The following AK7 variants were observed in gnomAD, a reference collection of about 807,000 sequenced individuals.
AK7 encodes adenylate kinase 7.
In AK7, 78 loss-of-function variants were observed where a neutral mutation model predicts 96.6. The observed-to-expected ratio is 0.81, with a 90% CI of 0.67 to 0.97. AK7 has a LOEUF of 0.97. Among genes scored for constraint, AK7 ranks in the 50% least tolerant of loss-of-function variants. The pLI, the probability that AK7 is intolerant of heterozygous loss-of-function variation, is 0.00. For synonymous variants in AK7, 302 were observed against 317.2 expected, an observed-to-expected ratio of 0.95 and a Z score of 0.51; for missense variants, 855 against 887.9, an observed-to-expected ratio of 0.96 and a Z score of 0.47.
intron 15 of AK7, among the ~76,000 whole-genome samples, chr14:96,480,637 A>G (rs1273548127): frequency 2.6e-5 from 4 of 152,154 alleles, no homozygotes; most frequent in African/African-American, 9.7e-5. Context: ...TGGAGAATAC[A>G]TTTCAGAAAA....
chr14:96,455,964 C>T (rs1332742953), intron 10 of AK7, among the ~76,000 whole-genome samples: 2 of 151,944 alleles, frequency 1.3e-5, no homozygotes. Context: ...CCCAGCCAGA[C>T]GTGGTGGCTC....
chr14:96,404,897 A>G, intron 3 of AK7, 32 bp downstream of exon 3: 1 of 1,513,828 alleles, frequency 6.6e-7, no homozygotes, highest in Non-Finnish European at 9.1e-7. Context: ...ATCTCCAGGG[A>G]TGCTATTGTA....
In AK7 at chr14:96,446,589, C is replaced by A. The variant is rs1893246063; in HGVS notation, c.852C>A (p.Thr284=). ...TTGCTGTGGATGAGTCTGTTCATAC[C>A]CTGGAAGACATAGTCAAGGTACAGT... ...YLVAVDESVH[T]LEDIVKCISK... is the part of the protein sequence containing the mutation. Residue 284 remains threonine, a synonymous_variant, in exon 8 of 18, where the codon ACC becomes ACA. Transcript: ENST00000267584. 6.2e-7 allele frequency: 1 copy of A among 1,613,918 alleles called. No individual in the cohort carries two copies. The highest frequency in any genetic ancestry group is 8.5e-7 in the Non-Finnish European group (1 of 1,179,874).
At chr14:96,444,405 A>G (rs1893119513) in intron 7 of AK7, among the ~76,000 whole-genome samples, 2 of 152,200 alleles carry the variant, frequency 1.3e-5, no homozygotes, top group South Asian at 4.1e-4. Flanking sequence ...GATTGCCATT[A>G]CAGAAGGACT....
chr14:96,446,752 C>A, intron 8 of AK7, 145 bp downstream of exon 8: 1 of 610,208 alleles, frequency 1.6e-6, no homozygotes, highest in Non-Finnish European at 2.9e-6. Flanking sequence ...ACCAGCCTGA[C>A]CAACATGATG....
At chr14:96,467,037 A>G (rs1385481960) in intron 12 of AK7, among the ~76,000 whole-genome samples, 17 of 124,030 alleles carry the variant, frequency 1.4e-4, no homozygotes, top group Admixed American at 4.6e-4. Context: ...GTAAGTGTAG[A>G]CGAATATGTA....
chr14:96,466,764 C>A (rs1238567999), intron 12 of AK7, among the ~76,000 whole-genome samples: 2 of 152,098 alleles, frequency 1.3e-5, no homozygotes, highest in Non-Finnish European at 2.9e-5. Context: ...GAGAGAGTTG[C>A]CCATTTTCCT....
chr14:96,467,087 CTT>C (rs953153866), intron 12 of AK7, among the ~76,000 whole-genome samples: 1 of 144,954 alleles, frequency 6.9e-6, no homozygotes, highest in Non-Finnish European at 1.5e-5. Context: ...TAAACACAAA[CTT>C]TGACCAGTTA....
chr14:96,444,102 T>G (rs923413817), intron 7 of AK7, among the ~76,000 whole-genome samples: 2 of 152,026 alleles, frequency 1.3e-5, no homozygotes, highest in Non-Finnish European at 1.5e-5. Flanking sequence ...TTAAGAAAGT[T>G]TACAAAGTGT....
chr14:96,409,063 A>G (rs1223261438), intron 4 of AK7, 122 bp downstream of exon 4: 1 of 921,420 alleles, frequency 1.1e-6, no homozygotes, highest in African/African-American at 1.7e-5. Context: ...CTATCCCATA[A>G]TAAGCACCCA....
chr14:96,453,860 G>T (rs948216154), intron 10 of AK7, among the ~76,000 whole-genome samples: 3 of 152,148 alleles, frequency 2.0e-5, no homozygotes, highest in African/African-American at 7.2e-5. Context: ...ACCTGAACTT[G>T]CTCAGTTGAC....
rs151051077 is a variant in AK7 at position 96,405,504 on chromosome 14, T to C, written c.403+639T>C. Among the ~76,000 whole-genome samples, 1,288 of 152,252 alleles carry C rather than the reference T, an allele frequency of 8.5e-3. 8 individuals are homozygous for C. Among genetic ancestry groups the C allele is most frequent in the South Asian group, 0.015 (72 of 4,820 alleles). ...TTACCAAAACATTTAACTTTTAAAA[T>C]GCAACCTGACTCATTCCATAGGCGC... On this transcript the variant is annotated intron_variant, in intron 3 of 17. Coordinates refer to ENST00000267584, the MANE Select transcript of AK7 (RefSeq NM_152327.5).
intron 4 of AK7, among the ~76,000 whole-genome samples, chr14:96,409,307 T>A (rs748405493): frequency 6.6e-6 from 1 of 152,248 alleles, no homozygotes; most frequent in African/African-American, 2.4e-5. Context: ...GTGCGATGGC[T>A]CATGCCTGTA....
At chr14:96,423,448 C>T (rs953382522) in intron 5 of AK7, among the ~76,000 whole-genome samples, 9 of 152,038 alleles carry the variant, frequency 5.9e-5, no homozygotes, top group Non-Finnish European at 8.8e-5. Context: ...AATTTGATGA[C>T]CCCATCACAA....
intron 5 of AK7, among the ~76,000 whole-genome samples, chr14:96,431,503 T>C (rs1482389464): frequency 1.3e-5 from 2 of 152,232 alleles, no homozygotes; most frequent in Non-Finnish European, 2.9e-5. Context: ...ATTTATGCCT[T>C]CGTTTCGTTA....
chr14:96,438,515 G>A (rs1892776438), intron 6 of AK7, among the ~76,000 whole-genome samples: 1 of 152,208 alleles, frequency 6.6e-6, no homozygotes, highest in South Asian at 2.1e-4. Flanking sequence ...AATTGTTACT[G>A]CAAAGAAGTG....
At chr14:96,478,746 G>A (rs111884219) in intron 15 of AK7, 84 bp downstream of exon 15, 3 of 1,354,988 alleles carry the variant, frequency 2.2e-6, no homozygotes, top group South Asian at 2.6e-5. Flanking sequence ...TGTGGGGCTG[G>A]GGGGAGGGTG....
At chr14:96,406,339 TC>T (rs947441031) in intron 3 of AK7, among the ~76,000 whole-genome samples, 11 of 152,276 alleles carry the variant, frequency 7.2e-5, no homozygotes, top group South Asian at 4.1e-4. Context: ...GACCACCCTC[TC>T]CCCCTCAAGG....
At position 96,432,745 on chromosome 14, in the gene AK7, G is replaced by A. The variant is rs1595406320; in HGVS notation, c.610-5090G>A. Among the ~76,000 whole-genome samples, 4 of 151,642 alleles carry A rather than the reference G, an allele frequency of 2.6e-5. No homozygotes were observed. In the East Asian group the frequency reaches 7.8e-4, roughly 30 times the overall value. On this transcript the variant is annotated intron_variant, in intron 5 of 17. Coordinates refer to ENST00000267584, the MANE Select transcript of AK7 (RefSeq NM_152327.5). ...CATGCCTGTAATCCCAGCACTTTGG[G>A]AGCCCACGGCAGGCAGATCACAAGG...
Sources: gnomAD v4.1 joint callset for allele counts (sites outside exome capture counted in the v4.1 genomes callset) on GRCh38, gnomAD v4.1.1 for gene constraint, MANE v1.5 for transcripts, NCBI Gene and HGNC (gene_info 2026-07-23, HGNC 2026-07-21) for gene names.